The following OPCML variants were observed in gnomAD, a reference collection of about 807,000 sequenced individuals.
OPCML encodes opioid binding protein/cell adhesion molecule like.
A neutral mutation model predicts 37.8 loss-of-function variants in OPCML; 13 were observed. That is an observed-to-expected ratio of 0.34 (90% CI 0.22 to 0.55). The LOEUF (loss-of-function observed/expected upper bound fraction) is 0.55. Among genes scored for constraint, OPCML ranks in the 20% least tolerant of loss-of-function variants. OPCML has a pLI of 0.91. For synonymous variants in OPCML, 176 were observed against 168.8 expected, an observed-to-expected ratio of 1.04 and a Z score of -0.33; for missense variants, 341 against 435.6, an observed-to-expected ratio of 0.78 and a Z score of 1.93.
intron 2 of OPCML, among the ~76,000 whole-genome samples, chr11:132,726,337 A>T (rs1209834299): frequency 6.6e-6 from 1 of 152,070 alleles, no homozygotes; most frequent in Non-Finnish European, 1.5e-5. Context: ...TTGTGCAGGG[A>T]ATCTCCCCCT....
At chr11:132,797,171 A>C (rs1161528247) in intron 2 of OPCML, among the ~76,000 whole-genome samples, 1 of 152,188 alleles carries the variant, frequency 6.6e-6, no homozygotes, top group Non-Finnish European at 1.5e-5. Flanking sequence ...TATATAAGAA[A>C]GTTTTACCCA....
chr11:133,497,822 C>A (rs1028946535), intron 1 of OPCML, among the ~76,000 whole-genome samples: 1 of 152,210 alleles, frequency 6.6e-6, no homozygotes, highest in African/African-American at 2.4e-5. Flanking sequence ...CAGCCAAGAC[C>A]TTTAGCTCAA....
intron 1 of OPCML, among the ~76,000 whole-genome samples, chr11:133,200,077 C>G (rs76014673): frequency 3.1e-4 from 47 of 152,136 alleles, no homozygotes; most frequent in African/African-American, 1.0e-3. Context: ...AAATGAGCAC[C>G]ATTTCCCCCA....
At chr11:132,995,607 G>A (rs893320328) in intron 1 of OPCML, among the ~76,000 whole-genome samples, 6 of 152,182 alleles carry the variant, frequency 3.9e-5, no homozygotes, top group African/African-American at 1.4e-4. Context: ...TTAAATAAAT[G>A]CCAAAAATCT....
At chr11:132,819,171 A>T (rs566783282) in intron 2 of OPCML, among the ~76,000 whole-genome samples, 26 of 152,076 alleles carry the variant, frequency 1.7e-4, no homozygotes, top group Non-Finnish European at 2.1e-4. Context: ...CTCTAGAGAA[A>T]AATAATATCT....
chr11:132,727,296 G>C (rs1465958868), intron 2 of OPCML, among the ~76,000 whole-genome samples: 1 of 152,150 alleles, frequency 6.6e-6, no homozygotes, highest in Non-Finnish European at 1.5e-5. Flanking sequence ...TCAATACTAG[G>C]TGATCTGACG....
chr11:133,446,607 A>C (rs2136950221), intron 1 of OPCML, among the ~76,000 whole-genome samples: 1 of 152,172 alleles, frequency 6.6e-6, no homozygotes, highest in Admixed American at 6.5e-5. Context: ...ATCTTTAGTA[A>C]ATTTATAGAG....
At chr11:132,881,159 T>C (rs545087466) in intron 2 of OPCML, among the ~76,000 whole-genome samples, 1 of 152,308 alleles carries the variant, frequency 6.6e-6, no homozygotes, top group African/African-American at 2.4e-5. Flanking sequence ...TGGATCCACT[T>C]AACAGGGATA....
At chr11:132,485,338 C>A (rs2096196266) in intron 4 of OPCML, among the ~76,000 whole-genome samples, 1 of 152,082 alleles carries the variant, frequency 6.6e-6, no homozygotes, top group Admixed American at 6.6e-5. Flanking sequence ...GAGGGGGTTC[C>A]AATTCACGGT....
chr11:133,420,222 G>A (rs1446209467), intron 1 of OPCML: 55 of 982,380 alleles, frequency 5.6e-5, no homozygotes, highest in Non-Finnish European at 6.5e-5. Context: ...AGATCTGATA[G>A]TTAAAACTTT....
intron 1 of OPCML, among the ~76,000 whole-genome samples, chr11:133,485,646 A>T (rs1386782646): frequency 1.3e-5 from 2 of 152,218 alleles, no homozygotes; most frequent in Admixed American, 1.3e-4. Flanking sequence ...ATCTCCAAAG[A>T]GTTCCTTAGA....
At chr11:132,836,765 C>T (rs1324309655) in intron 2 of OPCML, among the ~76,000 whole-genome samples, 1 of 152,090 alleles carries the variant, frequency 6.6e-6, no homozygotes, top group Non-Finnish European at 1.5e-5. Flanking sequence ...TTTATTTAAG[C>T]CCCAGCGGAA....
In OPCML at chr11:132,657,043, C is replaced by T. The variant is rs139004413; in HGVS notation, c.379+44G>A. On this transcript the variant is annotated intron_variant, in intron 3 of 7. Transcript: ENST00000524381. ...AAACACCAACACTGTTCTTCCCCTCCATCACTGACGGGAATGGCAACCCCA... is the reference window on the plus strand; with the variant it reads ...AAACACCAACACTGTTCTTCCCCTCTATCACTGACGGGAATGGCAACCCCA... 8.4e-4 allele frequency: 1,347 copies of T among 1,598,550 alleles called. 7 individuals carry two copies. In the African/African-American group the frequency reaches 0.011, roughly 13 times the overall value.
intron 2 of OPCML, among the ~76,000 whole-genome samples, chr11:132,670,702 C>A (rs1305903758): frequency 1.3e-5 from 2 of 152,034 alleles, no homozygotes; most frequent in Non-Finnish European, 2.9e-5. Context: ...AAAACAAAAA[C>A]TATAGATTGT....
rs1938498918 is a variant in OPCML at position 133,195,408 on chromosome 11, G to A, written c.62-252398C>T. On this transcript the variant is annotated intron_variant, in intron 1 of 7. Transcript: ENST00000524381. ...ATGCTGGAATCCTGCACATGTATGT[G>A]TGCCTTTCTGCAAAACCCCAGCTTG... Among the ~76,000 whole-genome samples the A allele has an allele frequency of 2.6e-5, 4 of 152,180 alleles. No individual in the cohort carries two copies. The South Asian group carries it at 8.3e-4, about 32-fold the overall frequency.
chr11:132,461,673 C>T (rs548935649), intron 4 of OPCML, among the ~76,000 whole-genome samples: 1 of 152,298 alleles, frequency 6.6e-6, no homozygotes, highest in East Asian at 1.9e-4. Flanking sequence ...CTAATAAAGA[C>T]ATACTCGAGA....
intron 2 of OPCML, among the ~76,000 whole-genome samples, chr11:132,768,882 C>T (rs887949516): frequency 6.6e-6 from 1 of 151,918 alleles, no homozygotes. Context: ...TGGGAAGAAG[C>T]GGGAGGAGAA....
intron 1 of OPCML, among the ~76,000 whole-genome samples, chr11:133,443,367 C>T (rs895959212): frequency 1.3e-5 from 2 of 152,228 alleles, no homozygotes; most frequent in Admixed American, 6.5e-5. Context: ...CAGCCTGGAG[C>T]TTTCAGATTC....
intron 4 of OPCML, among the ~76,000 whole-genome samples, chr11:132,509,542 G>A (rs955251350): frequency 4.6e-5 from 7 of 152,140 alleles, no homozygotes; most frequent in Admixed American, 6.5e-5. Flanking sequence ...CAGGGTCCTC[G>A]TATTGTGTGC....
Sources: gnomAD v4.1 joint callset for allele counts (sites outside exome capture counted in the v4.1 genomes callset) on GRCh38, gnomAD v4.1.1 for gene constraint, MANE v1.5 for transcripts, NCBI Gene and HGNC (gene_info 2026-07-23, HGNC 2026-07-21) for gene names.